GBP6: variants seen among roughly 807,000 people sequenced by gnomAD.
GBP6 encodes guanylate binding protein family member 6.
Under a neutral mutation model 61.5 loss-of-function variants are expected in GBP6, and 54 were observed. The observed-to-expected ratio is 0.88, with a 90% confidence interval of 0.71 to 1.10. GBP6 has a LOEUF of 1.10. Ranked by LOEUF, GBP6 falls within the 50% of genes least tolerant of loss-of-function variation. The probability of loss-of-function intolerance (pLI) is 0.00; values close to 1 mark genes in which losing one functional copy is unlikely to be tolerated. For synonymous variants in GBP6, 255 were observed against 273.7 expected, an observed-to-expected ratio of 0.93 and a Z score of 0.67; for missense variants, 748 against 752.8, an observed-to-expected ratio of 0.99 and a Z score of 0.07.
rs4582772 is a variant in GBP6 at position 89,380,593 on chromosome 1, C to T, written c.833C>T (p.Thr278Ile). Residue 278 changes from threonine (T) to isoleucine (I), a missense_variant, in exon 6 of 11, where the codon ACC (threonine) becomes ATC (isoleucine). By Grantham distance (89) the Thr-to-Ile change is moderately conservative. Transcript: ENST00000370456. ...FCSYIFTHAR[T>I]KTLREGITVT... ...TCTTACATCTTCACTCATGCAAGAA[C>T]CAAGACCCTCAGGGAGGGAATCACA... The T allele has an allele frequency of 0.09, 144,495 of 1,613,538 alleles. 7,810 individuals carry two copies. Among genetic ancestry groups the T allele is most frequent in the Non-Finnish European group, 0.11 (125,041 of 1,179,476 alleles).
chr1:89,367,865 C>T (rs1262400370), intron 1 of GBP6, among the ~76,000 whole-genome samples: 1 of 152,206 alleles, frequency 6.6e-6, no homozygotes, highest in East Asian at 1.9e-4. Flanking sequence ...AAACCACCTC[C>T]TCCAAACTAA....
At chr1:89,374,198 G>A (rs187053075) in intron 3 of GBP6, among the ~76,000 whole-genome samples, 14 of 152,134 alleles carry the variant, frequency 9.2e-5, no homozygotes, top group East Asian at 7.7e-4. Context: ...GTCCAGTCTC[G>A]TGTATGTCTT....
At chr1:89,371,250 A>G (rs1364411376) in intron 3 of GBP6, among the ~76,000 whole-genome samples, 1 of 152,198 alleles carries the variant, frequency 6.6e-6, no homozygotes, top group African/African-American at 2.4e-5. Flanking sequence ...AGCTGGTACC[A>G]TTCCTTCTGA....
At chr1:89,373,667 A>T (rs1218399941) in intron 3 of GBP6, among the ~76,000 whole-genome samples, 4 of 152,038 alleles carry the variant, frequency 2.6e-5, no homozygotes, top group Admixed American at 2.6e-4. Context: ...GCCTGTCGTG[A>T]GGTGGCAGGA....
intron 3 of GBP6, among the ~76,000 whole-genome samples, chr1:89,375,725 T>G (rs533118556): frequency 6.6e-6 from 1 of 152,292 alleles, no homozygotes; most frequent in East Asian, 1.9e-4. Context: ...CTCCGCTGAT[T>G]GTTTCCTTTG....
At chr1:89,374,839 G>C (rs1652761171) in intron 3 of GBP6, among the ~76,000 whole-genome samples, 2 of 151,968 alleles carry the variant, frequency 1.3e-5, no homozygotes, top group African/African-American at 4.8e-5. Flanking sequence ...ATGTCATGGG[G>C]GTTGGTTGTA....
Position 89,368,746 on chromosome 1 carries a change from G to GA in GBP6, c.190+5_190+6insA. The GA allele has an allele frequency of 6.2e-7, 1 of 1,608,896 alleles. No homozygotes were observed. The highest frequency in any genetic ancestry group is 8.5e-7 in the Non-Finnish European group (1 of 1,176,134). ...ATCTGGCAGGACAGAATCATGGTAA[G>GA]TGGTATCCTGGGACACAGGCCAGTT... On this transcript the variant is annotated splice_donor_region_variant and intron_variant, in intron 2 of 10. Coordinates refer to ENST00000370456, the MANE Select transcript of GBP6 (RefSeq NM_198460.3).
Position 89,385,257 on chromosome 1 carries a change from T to C in GBP6, c.1690T>C (p.Phe564Leu). 1 of 1,613,938 alleles carries C rather than the reference T, an allele frequency of 6.2e-7. No individual in the cohort carries two copies. The highest frequency in any genetic ancestry group is 8.5e-7 in the Non-Finnish European group (1 of 1,179,806). The change falls in exon 11 of 11, where the codon TTT becomes CTT. Residue 564 changes from phenylalanine to leucine, a missense_variant. Transcript: ENST00000370456. ...CCAAAATGATTGGCTTCATGAAGGATTTAAGAAGAAGTATGAGGAGATGAA... is the reference window on the plus strand; with the variant it reads ...CCAAAATGATTGGCTTCATGAAGGACTTAAGAAGAAGTATGAGGAGATGAA... ...KVQNDWLHEG[F>L]KKKYEEMNAE...
chr1:89,378,144 G>T lies in GBP6; in HGVS notation c.360G>T (p.Val120=). 1 of 1,613,210 alleles carries T rather than the reference G, an allele frequency of 6.2e-7. No homozygotes were observed. The highest frequency in any genetic ancestry group is 8.5e-7 in the Non-Finnish European group (1 of 1,179,772). ...ACTCCTGGATCTTTGCCCTGGCTGT[G>T]CTCCTGTGCAGCACCTTTGTCTACA... ...KNDSWIFALA[V]LLCSTFVYNS... Residue 120 remains valine (V), a synonymous_variant, in exon 4 of 11, where the codon GTG becomes GTT. Transcript: ENST00000370456.
chr1:89,382,688 G>A lies in GBP6; in HGVS notation c.1177G>A (p.Asp393Asn), dbSNP rs531273768. ...FMETTMNKKG[D>N]FLLQNEESSV... ...GGAAACCACAATGAATAAGAAGGGG[G>A]ATTTCTTGCTGCAGAATGAAGAGTC... is the stretch of plus-strand genomic sequence containing the variant. Residue 393 changes from aspartate (D) to asparagine (N), a missense_variant, in exon 8 of 11, where the codon GAT becomes AAT. Physicochemically the swap from Asp to Asn is conservative, Grantham distance 23 (BLOSUM62 1). Transcript: ENST00000370456. The A allele has an allele frequency of 6.2e-7, 1 of 1,614,084 alleles. No individual in the cohort carries two copies. Among genetic ancestry groups the A allele is most frequent in the Non-Finnish European group, 8.5e-7 (1 of 1,179,952 alleles).
intron 2 of GBP6, among the ~76,000 whole-genome samples, chr1:89,369,207 T>A (rs184422757): frequency 3.3e-5 from 5 of 152,356 alleles, no homozygotes; most frequent in Admixed American, 3.3e-4. Flanking sequence ...TTTCCCTTTT[T>A]GAGTTTTTTC....
rs1279220763 is a variant in GBP6 at position 89,370,120 on chromosome 1, T to A, written c.318+447T>A. ...AATGGCCCTTTTGAGTTATCATGTT[T>A]TGGGACAAGGGTGCTAGGCCTTCAT... is the stretch of plus-strand genomic sequence containing the variant. On this transcript the variant is annotated intron_variant, in intron 3 of 10. Coordinates refer to ENST00000370456, the MANE Select transcript of GBP6 (RefSeq NM_198460.3). Among the ~76,000 whole-genome samples the A allele has an allele frequency of 2.0e-5, 3 of 152,320 alleles. No homozygotes were observed. In the East Asian group the frequency reaches 5.8e-4, roughly 29 times the overall value.
intron 1 of GBP6, 50 bp from the exon 2 acceptor site, chr1:89,368,479 G>A (rs1652525656): frequency 7.1e-7 from 1 of 1,416,270 alleles, no homozygotes; most frequent in Non-Finnish European, 9.8e-7. Flanking sequence ...ATGGGTGCTT[G>A]GGAAACACTG....
chr1:89,380,373 T>C lies in GBP6; in HGVS notation c.626-13T>C. Reference sequence around the variant, plus strand: ...TGTTTTCACTATATTCTCTGTTTTTTTTTATCCCTCAGGCAATAATCCCAG... The same window carrying C: ...TGTTTTCACTATATTCTCTGTTTTTCTTTATCCCTCAGGCAATAATCCCAG... On this transcript the variant is annotated splice_polypyrimidine_tract_variant and intron_variant, in intron 5 of 10. Coordinates refer to ENST00000370456, the MANE Select transcript of GBP6 (RefSeq NM_198460.3). The C allele has an allele frequency of 6.2e-7, 1 of 1,611,426 alleles. No homozygotes were observed. The highest frequency in any genetic ancestry group is 1.7e-4 in the Middle Eastern group (1 of 6,054).
intron 8 of GBP6, 118 bp from the exon 9 acceptor site, chr1:89,383,534 G>A (rs1205029906): frequency 2.8e-6 from 2 of 704,512 alleles, no homozygotes; most frequent in Admixed American, 5.7e-5. Context: ...TTTGTAGGGG[G>A]CCACTTTAGA....
At chr1:89,384,314 C>A in intron 10 of GBP6, 28 bp downstream of exon 10, 1 of 1,569,680 alleles carries the variant, frequency 6.4e-7, no homozygotes, top group Non-Finnish European at 8.6e-7. Context: ...CTCAGCAGGC[C>A]AGACGGTCCT....
chr1:89,383,886 A>G, intron 9 of GBP6, 132 bp downstream of exon 9: 2 of 838,158 alleles, frequency 2.4e-6, no homozygotes, highest in African/African-American at 1.7e-5. Flanking sequence ...AAATCTTAAA[A>G]TAACAAGGGG....
chr1:89,382,507 T>C (rs1295295997), intron 7 of GBP6, among the ~76,000 whole-genome samples, 157 bp from the exon 8 acceptor site: 1 of 152,224 alleles, frequency 6.6e-6, no homozygotes, highest in Non-Finnish European at 1.5e-5. Context: ...TCTAGCATTG[T>C]AAATGTATGA....
At chr1:89,371,918 T>C (rs187270987) in intron 3 of GBP6, among the ~76,000 whole-genome samples, 12 of 152,282 alleles carry the variant, frequency 7.9e-5, no homozygotes, top group African/African-American at 2.9e-4. Flanking sequence ...GAAAACCACA[T>C]CATCTCAGCC....
Sources: allele counts gnomAD v4.1 joint callset (sites outside exome capture counted in the v4.1 genomes callset), GRCh38; gene constraint gnomAD v4.1.1; transcripts MANE v1.5; gene names NCBI Gene and HGNC (gene_info 2026-07-23, HGNC 2026-07-21).